Variants in RBFOX2 observed in about 807,000 individuals in gnomAD.
RBFOX2 encodes RNA binding protein fox-1 homolog 2.
In RBFOX2, 10 loss-of-function variants were observed where a neutral mutation model predicts 49.1. The observed-to-expected ratio is 0.20, with a 90% CI of 0.13 to 0.35. RBFOX2 has a LOEUF of 0.35. Ranked by LOEUF, RBFOX2 falls within the 10% of genes least tolerant of loss-of-function variation. RBFOX2 has a pLI of 1.00. For missense variants in RBFOX2, 323 were observed against 486.9 expected (o/e 0.66, Z 3.17); for synonymous variants, 183 against 187.4 (o/e 0.98, Z 0.19).
chr22:35,950,773 A>G (rs566138428), intron 1 of RBFOX2, among the ~76,000 whole-genome samples: 4 of 152,086 alleles, frequency 2.6e-5, no homozygotes, highest in African/African-American at 9.6e-5. Flanking sequence ...TTTGGGTATG[A>G]TATCTCGGTC....
At chr22:35,838,325 T>C (rs1049877247) in intron 1 of RBFOX2, among the ~76,000 whole-genome samples, 7 of 151,996 alleles carry the variant, frequency 4.6e-5, no homozygotes, top group Middle Eastern at 3.4e-3. Context: ...ATATGGTTGT[T>C]ACACTCGGCC....
At chr22:35,931,435 C>G (rs2052398107) in intron 1 of RBFOX2, among the ~76,000 whole-genome samples, 1 of 151,794 alleles carries the variant, frequency 6.6e-6, no homozygotes, top group South Asian at 2.1e-4. Context: ...GGCCTTAGAG[C>G]TTGGGTGGAG....
exon 12 of RBFOX2, chr22:35,742,244 T>A (rs1930320208): frequency 6.6e-6 from 1 of 152,218 alleles, no homozygotes; most frequent in African/African-American, 2.4e-5. Context: ...CAGTAATAAT[T>A]GCATCGAGGC....
intron 4 of RBFOX2, among the ~76,000 whole-genome samples, chr22:35,769,566 A>G (rs12159040): frequency 0.046 from 7,051 of 152,224 alleles, 191 homozygotes; most frequent in African/African-American, 0.057. Flanking sequence ...CATGCTGCTT[A>G]TATCTGCAAA....
chr22:35,775,856 A>AG, intron 4 of RBFOX2, among the ~76,000 whole-genome samples: 4 of 151,258 alleles, frequency 2.6e-5, no homozygotes, highest in African/African-American at 9.7e-5. Flanking sequence ...AAAAAAAAAA[A>AG]AAAAAGAAAA....
chr22:35,760,112 G>A, intron 8 of RBFOX2, 92 bp from the exon 10 acceptor site: 1 of 1,521,960 alleles, frequency 6.6e-7, no homozygotes, highest in Non-Finnish European at 9.1e-7. Flanking sequence ...TTATAGAAAA[G>A]ATGGAAAGAT....
chr22:36,014,308 G>A (rs906346764), intron 1 of RBFOX2, among the ~76,000 whole-genome samples: 1 of 151,988 alleles, frequency 6.6e-6, no homozygotes, highest in Non-Finnish European at 1.5e-5. Context: ...ATTTTTAGTA[G>A]AGACGGGGTT....
upstream of RBFOX2, among the ~76,000 whole-genome samples, chr22:35,942,062 T>A (rs752468463): frequency 1.3e-5 from 2 of 152,244 alleles, no homozygotes; most frequent in African/African-American, 2.4e-5. Context: ...CATAACTGTA[T>A]TTTACTATGA....
chr22:35,837,428 A>G (rs1362710825), intron 1 of RBFOX2, among the ~76,000 whole-genome samples: 2 of 152,134 alleles, frequency 1.3e-5, no homozygotes, highest in Non-Finnish European at 2.9e-5. Context: ...TAGACATTCT[A>G]TATTGAGAAA....
chr22:35,886,523 C>T (rs139018572), intron 1 of RBFOX2, among the ~76,000 whole-genome samples: 7 of 152,290 alleles, frequency 4.6e-5, no homozygotes, highest in East Asian at 3.9e-4. Context: ...CTTACATAAA[C>T]TCAGATGGCC....
At chr22:35,858,846 A>AG (rs1202911910) in intron 1 of RBFOX2, among the ~76,000 whole-genome samples, 6 of 151,456 alleles carry the variant, frequency 4.0e-5, no homozygotes, top group Non-Finnish European at 8.8e-5. Flanking sequence ...AAAAAAAAAA[A>AG]GAATTAAGCT....
At chr22:35,751,530 T>A (rs1381044633) in intron 9 of RBFOX2, among the ~76,000 whole-genome samples, 2 of 152,136 alleles carry the variant, frequency 1.3e-5, no homozygotes, top group Non-Finnish European at 2.9e-5. Flanking sequence ...ACTTTATTTA[T>A]CCTTGGATGA....
chr22:35,948,509 C>T (rs991985367), intron 1 of RBFOX2, among the ~76,000 whole-genome samples: 2 of 151,978 alleles, frequency 1.3e-5, no homozygotes, highest in Non-Finnish European at 2.9e-5. Context: ...CATAAGGAGA[C>T]CCTGGGTCTA....
chr22:35,850,878 G>C (rs935497036), intron 1 of RBFOX2, among the ~76,000 whole-genome samples: 2 of 152,162 alleles, frequency 1.3e-5, no homozygotes, highest in African/African-American at 4.8e-5. Context: ...TGTAACTATT[G>C]ATCCTACGAA....
chr22:35,852,124 T>C (rs1296925474), intron 1 of RBFOX2, among the ~76,000 whole-genome samples: 1 of 152,134 alleles, frequency 6.6e-6, no homozygotes, highest in Admixed American at 6.5e-5. Flanking sequence ...ACAATAGTTA[T>C]AATAATTATT....
chr22:35,760,240 C>A (rs1265483355), intron 8 of RBFOX2, among the ~76,000 whole-genome samples: 1 of 152,176 alleles, frequency 6.6e-6, no homozygotes, highest in Non-Finnish European at 1.5e-5. Flanking sequence ...AGATTCCATG[C>A]CTCATTCATC....
At chr22:35,846,889 C>T (rs1224558508) in intron 1 of RBFOX2, among the ~76,000 whole-genome samples, 1 of 152,172 alleles carries the variant, frequency 6.6e-6, no homozygotes, top group Admixed American at 6.5e-5. Context: ...TAATTTAAGA[C>T]CCTGTTTCCT....
intron 1 of RBFOX2, chr22:35,821,992 A>G: frequency 1.9e-6 from 1 of 518,234 alleles, no homozygotes; most frequent in South Asian, 1.4e-5. Flanking sequence ...ACCTTCCTGA[A>G]GACTTCCAGT....
chr22:35,954,299 G>A (rs542556641), intron 1 of RBFOX2, among the ~76,000 whole-genome samples: 5 of 152,226 alleles, frequency 3.3e-5, no homozygotes, highest in South Asian at 4.2e-4. Context: ...AAGATTAAAC[G>A]AAACAATATA....
Sources: allele counts gnomAD v4.1 joint callset (sites outside exome capture counted in the v4.1 genomes callset), GRCh38; gene constraint gnomAD v4.1.1; transcripts MANE v1.5; gene names NCBI Gene and HGNC (gene_info 2026-07-23, HGNC 2026-07-21).